Variants in ERBB4 observed in about 807,000 individuals in gnomAD.
The protein encoded by ERBB4 is receptor tyrosine-protein kinase erbB-4.
A neutral mutation model predicts 158.0 loss-of-function variants in ERBB4; 42 were observed. The observed-to-expected ratio is 0.27, with a 90% CI of 0.21 to 0.34. The LOEUF is 0.34. ERBB4 is among the 10% of genes least tolerant of loss of function. The pLI is 1.00. For synonymous variants in ERBB4, 583 were observed against 558.7 expected, an observed-to-expected ratio of 1.04 and a Z score of -0.61; for missense variants, 1,333 against 1,624.1, an observed-to-expected ratio of 0.82 and a Z score of 3.08.
chr2:211,540,493 G>A (rs566480320), intron 20 of ERBB4, among the ~76,000 whole-genome samples: 1 of 151,790 alleles, frequency 6.6e-6, no homozygotes, highest in African/African-American at 2.4e-5. Flanking sequence ...GAAGATGATG[G>A]CATTTTAAGC....
At chr2:211,752,814 C>CAA (rs112189140) in intron 4 of ERBB4, among the ~76,000 whole-genome samples, 38 of 151,236 alleles carry the variant, frequency 2.5e-4, no homozygotes, top group African/African-American at 3.6e-4. Flanking sequence ...TACCCACACA[C>CAA]ACAAAAAACA....
intron 13 of ERBB4, among the ~76,000 whole-genome samples, chr2:211,676,784 AAATTAGT>A (rs1406264770): frequency 4.1e-5 from 6 of 147,350 alleles, no homozygotes; most frequent in African/African-American, 1.3e-4. Context: ...TCACTTAATG[AAATTAGT>A]CTATTGTGTT....
intron 2 of ERBB4, among the ~76,000 whole-genome samples, chr2:212,039,943 A>C (rs1312026305): frequency 1.3e-5 from 2 of 152,202 alleles, no homozygotes; most frequent in East Asian, 1.9e-4. Flanking sequence ...AAATATATCC[A>C]AAGTCTTCCA....
intron 1 of ERBB4, among the ~76,000 whole-genome samples, chr2:212,486,877 A>G (rs2106184322): frequency 6.9e-6 from 1 of 145,534 alleles, no homozygotes; most frequent in South Asian, 2.2e-4. Flanking sequence ...TTATTATTTT[A>G]TTTGAAAGCT....
Position 211,420,548 on chromosome 2 carries a change from C to G in ERBB4, c.3028G>C (p.Glu1010Gln). Reference protein sequence around the residue: ...DSKFFQNLLDEEDLEDMMDAE... With the variant: ...DSKFFQNLLDQEDLEDMMDAE... ...TCCATCATATCTTCCAAATCCTCTT[C>G]ATCCAAGAGATTCTGAAAGAACTTG... Residue 1010 changes from glutamate to glutamine, a missense_variant, in exon 25 of 28, where the codon GAA (glutamate) becomes CAA (glutamine). Around this residue, in one of 5 missense-constraint regions of ERBB4, gnomAD observed 314 missense variants for 437.6 expected, o/e 0.72. Transcript: ENST00000342788. 1 of 1,612,716 alleles carries G rather than the reference C, an allele frequency of 6.2e-7. No individual in the cohort carries two copies. Among genetic ancestry groups the G allele is most frequent in the Non-Finnish European group, 8.5e-7 (1 of 1,178,986 alleles).
At chr2:211,876,948 C>A (rs1462364498) in intron 3 of ERBB4, among the ~76,000 whole-genome samples, 1 of 152,066 alleles carries the variant, frequency 6.6e-6, no homozygotes, top group Non-Finnish European at 1.5e-5. Flanking sequence ...TCATTGTTCC[C>A]GTTCAAATAC....
intron 12 of ERBB4, among the ~76,000 whole-genome samples, chr2:211,698,590 A>C (rs963911387): frequency 1.3e-5 from 2 of 151,792 alleles, no homozygotes; most frequent in Non-Finnish European, 2.9e-5. Flanking sequence ...AGGTACTATT[A>C]AAATTGTAAA....
chr2:212,093,752 C>T (rs2078847067), intron 2 of ERBB4, among the ~76,000 whole-genome samples: 1 of 152,112 alleles, frequency 6.6e-6, no homozygotes, highest in South Asian at 2.1e-4. Context: ...TCAGTAAACA[C>T]ATTATAAATA....
chr2:211,856,776 C>T (rs1474546089), intron 3 of ERBB4, among the ~76,000 whole-genome samples: 1 of 152,040 alleles, frequency 6.6e-6, no homozygotes, highest in Non-Finnish European at 1.5e-5. Context: ...CTCATTTCTT[C>T]CAGAATATTT....
At chr2:212,039,245 C>A (rs1344917291) in intron 2 of ERBB4, among the ~76,000 whole-genome samples, 1 of 152,122 alleles carries the variant, frequency 6.6e-6, no homozygotes, top group African/African-American at 2.4e-5. Context: ...TTTATATGAA[C>A]TATAACTATG....
intron 3 of ERBB4, among the ~76,000 whole-genome samples, chr2:211,826,022 C>T (rs2077093272): frequency 1.3e-5 from 2 of 151,016 alleles, no homozygotes; most frequent in South Asian, 2.1e-4. Flanking sequence ...ATATAGCTTC[C>T]CTAGAATCAA....
chr2:212,287,605 T>C (rs1431509200), intron 1 of ERBB4, among the ~76,000 whole-genome samples: 1 of 152,134 alleles, frequency 6.6e-6, no homozygotes, highest in Non-Finnish European at 1.5e-5. Flanking sequence ...TCAATAGTGA[T>C]AGGAGGTATC....
In ERBB4 at chr2:212,100,605, G is replaced by C. The variant is rs546954276; in HGVS notation, c.234+24147C>G. 1.4e-3 allele frequency among the ~76,000 whole-genome samples: 214 copies of C among 152,168 alleles called. 1 individual carries two copies. Among genetic ancestry groups the C allele is most frequent in the African/African-American group, 4.8e-3 (201 of 41,506 alleles). On this transcript the variant is annotated intron_variant, in intron 2 of 27. Transcript: ENST00000342788. ...TGCCAAGAACAGTGCTAAGGTACAG[G>C]ATACAAAAATAAATAAGTCAAAGTT...
intron 13 of ERBB4, among the ~76,000 whole-genome samples, chr2:211,678,101 T>A (rs1218538210): frequency 6.6e-6 from 1 of 151,984 alleles, no homozygotes; most frequent in African/African-American, 2.4e-5. Context: ...ATGTTATTAT[T>A]GAAATACCAG....
At chr2:212,386,480 C>T (rs62184101) in intron 1 of ERBB4, among the ~76,000 whole-genome samples, 23,244 of 151,296 alleles carry the variant, frequency 0.15, 2,540 homozygotes, top group African/African-American at 0.32. Flanking sequence ...TCCCTCTCTA[C>T]ATATGAACAA....
At chr2:211,817,324 A>G (rs1207802382) in intron 3 of ERBB4, among the ~76,000 whole-genome samples, 3 of 152,208 alleles carry the variant, frequency 2.0e-5, no homozygotes, top group African/African-American at 7.2e-5. Context: ...TGGAGCCTCA[A>G]TAGAGCGGAG....
At chr2:212,536,311 G>A (rs1377849250) in intron 1 of ERBB4, among the ~76,000 whole-genome samples, 1 of 152,104 alleles carries the variant, frequency 6.6e-6, no homozygotes, top group Non-Finnish European at 1.5e-5. Flanking sequence ...CGGCAGGGTG[G>A]GGGTGGGGGA....
intron 3 of ERBB4, among the ~76,000 whole-genome samples, chr2:211,885,137 A>G (rs1010398137): frequency 9.2e-5 from 14 of 152,144 alleles, no homozygotes; most frequent in Non-Finnish European, 1.0e-4. Context: ...TTCAAAGGTA[A>G]TAAGGCCATA....
At chr2:212,250,604 A>G (rs984066238) in intron 1 of ERBB4, among the ~76,000 whole-genome samples, 2 of 152,008 alleles carry the variant, frequency 1.3e-5, no homozygotes, top group African/African-American at 2.4e-5. Context: ...GTAAAATGAT[A>G]CCATCTGAAT....
Sources: allele counts gnomAD v4.1 joint callset (sites outside exome capture counted in the v4.1 genomes callset), GRCh38; gene constraint gnomAD v4.1.1; regional missense constraint gnomAD v4.1.1; transcripts MANE v1.5; gene names NCBI Gene and HGNC (gene_info 2026-07-23, HGNC 2026-07-21).